The following RBFOX1 variants were observed in gnomAD, a reference collection of about 807,000 sequenced individuals.
The protein encoded by RBFOX1 is RNA binding protein fox-1 homolog 1.
Under a neutral mutation model 57.7 loss-of-function variants are expected in RBFOX1, and 8 were observed. That is an observed-to-expected ratio of 0.14 (90% CI 0.08 to 0.25). The LOEUF is 0.25. RBFOX1 is among the 10% of genes least tolerant of loss of function. RBFOX1 has a pLI of 1.00. For missense variants in RBFOX1, 611 were observed against 548.5 expected (o/e 1.11, Z -1.14); for synonymous variants, 326 against 222.4 (o/e 1.47, Z -4.15).
chr16:6,304,711 T>C (rs2079246659), intron 1 of RBFOX1, among the ~76,000 whole-genome samples: 1 of 151,796 alleles, frequency 6.6e-6, no homozygotes, highest in Non-Finnish European at 1.5e-5. Context: ...GGTGAAACCC[T>C]GTCTCTCTAC....
At chr16:7,265,971 T>G (rs1346621197) in intron 4 of RBFOX1, among the ~76,000 whole-genome samples, 18 of 134,922 alleles carry the variant, frequency 1.3e-4, no homozygotes, top group Non-Finnish European at 1.7e-4. Flanking sequence ...TTTGTTTTTT[T>G]TTTTTTTTTT....
intron 2 of RBFOX1, among the ~76,000 whole-genome samples, chr16:6,562,048 G>A (rs1350810396): frequency 6.6e-6 from 1 of 152,126 alleles, no homozygotes; most frequent in South Asian, 2.1e-4. Context: ...AGTTTTCAGC[G>A]GGATATTACT....
intron 4 of RBFOX1, among the ~76,000 whole-genome samples, chr16:7,247,588 C>G (rs954540358): frequency 1.3e-5 from 2 of 152,108 alleles, no homozygotes; most frequent in Admixed American, 1.3e-4. Flanking sequence ...AGCTAAAAGC[C>G]CCCAGGTCAT....
chr16:5,501,318 C>CAAAAAAAAAAAAAAAAAAAAAAAA (rs1160788118), intron 2 of RBFOX1, among the ~76,000 whole-genome samples: 2 of 64,892 alleles, frequency 3.1e-5, no homozygotes, highest in Non-Finnish European at 6.5e-5. Flanking sequence ...ACTCTGTCTA[C>CAAAAAAAAAAAAAAAAAAAAAAAA]AAAAAAAAAA....
chr16:5,331,583 C>G (rs2064758549), intron 1 of RBFOX1, among the ~76,000 whole-genome samples: 1 of 152,242 alleles, frequency 6.6e-6, no homozygotes. Context: ...AGACATCATA[C>G]TTATTGACGG....
intron 3 of RBFOX1, among the ~76,000 whole-genome samples, chr16:6,787,970 C>T (rs1010601365): frequency 6.7e-6 from 1 of 149,484 alleles, no homozygotes; most frequent in African/African-American, 2.4e-5. Context: ...TGTCTGTAAT[C>T]CCAGCACTTT....
At chr16:6,553,755 G>T (rs1220172450) in intron 2 of RBFOX1, among the ~76,000 whole-genome samples, 1 of 152,184 alleles carries the variant, frequency 6.6e-6, no homozygotes, top group South Asian at 2.1e-4. Flanking sequence ...TGATAGGAGA[G>T]GTGGCAGGTG....
chr16:5,391,870 CTA>C lies in RBFOX1; in HGVS notation c.220-75344_220-75343del, dbSNP rs1412127840. Among the ~76,000 whole-genome samples the C allele has an allele frequency of 2.8e-5, 4 of 142,850 alleles. 1 individual carries two copies. The highest frequency in any genetic ancestry group is 1.1e-4 in the African/African-American group (4 of 37,722). 93.7% of individuals were successfully genotyped at this position (142,850 alleles called of 152,430 possible). ...ATAAAGAAATGAGTGGATAAAGAAA[CTA>C]TGGTGTGTGTGTGTGTATACACACA... On this transcript the variant is annotated intron_variant, in intron 1 of 2. Transcript: ENST00000585867.
intron 1 of RBFOX1, among the ~76,000 whole-genome samples, chr16:6,077,037 C>T (rs1228207839): frequency 6.6e-6 from 1 of 152,128 alleles, no homozygotes; most frequent in Non-Finnish European, 1.5e-5. Context: ...ATGAAGCGCT[C>T]GGCAAATGTA....
rs146316644 is a variant in RBFOX1, at chr16:5,282,858, T to C, written c.219+42753T>C. Among the ~76,000 whole-genome samples the C allele has an allele frequency of 8.1e-4, 123 of 152,238 alleles. 2 individuals are homozygous for C. In the East Asian group the frequency reaches 0.022, roughly 27 times the overall value. On this transcript the variant is annotated intron_variant, in intron 1 of 2. Transcript: ENST00000585867. ...AAAAATTCGATCTGGCTGCAGAAAT[T>C]TGTTTAAGTAATGAGGAGCCAAGTG...
chr16:5,897,016 C>CTTCTTTTTTTTTTTTTTTTTTT (rs2058182237), intron 4 of RBFOX1, among the ~76,000 whole-genome samples: 1 of 56,460 alleles, frequency 1.8e-5, no homozygotes, highest in African/African-American at 7.7e-5. Context: ...TATCCATCCG[C>CTTCTTTTTTTTTTTTTTTTTTT]TTTTTTTTTT....
intron 2 of RBFOX1, among the ~76,000 whole-genome samples, chr16:5,562,235 A>C (rs11639929): frequency 2.6e-5 from 4 of 151,996 alleles, no homozygotes; most frequent in Non-Finnish European, 5.9e-5. Context: ...TCCGTGGCAA[A>C]GTGTGGAAAT....
At chr16:6,765,720 A>G (rs1205522995) in intron 3 of RBFOX1, among the ~76,000 whole-genome samples, 4 of 152,302 alleles carry the variant, frequency 2.6e-5, no homozygotes, top group Admixed American at 6.5e-5. Context: ...AATTGCAAAG[A>G]TACAGAATCA....
chr16:6,427,720 T>C (rs1367533181), intron 2 of RBFOX1, among the ~76,000 whole-genome samples: 1 of 152,184 alleles, frequency 6.6e-6, no homozygotes, highest in Admixed American at 6.5e-5. Flanking sequence ...TGATGTGATA[T>C]GATTTATAAT....
intron 1 of RBFOX1, among the ~76,000 whole-genome samples, chr16:5,440,424 GA>G (rs1191452316): frequency 2.0e-5 from 3 of 152,046 alleles, no homozygotes; most frequent in Admixed American, 6.5e-5. Flanking sequence ...TGTTTTGGTT[GA>G]AAAAAAATTT....
chr16:5,368,577 A>G (rs911074984), intron 1 of RBFOX1, among the ~76,000 whole-genome samples: 17 of 152,140 alleles, frequency 1.1e-4, no homozygotes, highest in South Asian at 2.1e-4. Flanking sequence ...TTTATTTCCA[A>G]TGATTTAACA....
At chr16:5,744,651 A>G (rs1174872415) in intron 3 of RBFOX1, among the ~76,000 whole-genome samples, 2 of 152,054 alleles carry the variant, frequency 1.3e-5, no homozygotes, top group Non-Finnish European at 2.9e-5. Context: ...TTACCATCTC[A>G]CCCGATCTGA....
At chr16:5,413,301 C>G (rs188966943) in intron 1 of RBFOX1, among the ~76,000 whole-genome samples, 4 of 152,172 alleles carry the variant, frequency 2.6e-5, no homozygotes, top group African/African-American at 9.7e-5. Flanking sequence ...AGCACCATGG[C>G]CCTTTTTCTT....
rs1010835796 is a variant in RBFOX1 at position 7,452,090 on chromosome 16, A to G, written c.28-66057A>G. Among the ~76,000 whole-genome samples the G allele has an allele frequency of 3.9e-5, 6 of 152,244 alleles. No homozygotes were observed. In the South Asian group the frequency reaches 1.0e-3, roughly 26 times the overall value. ...ATTGGATACTAAGGAATGAGAAGCA[A>G]TGTAGTTAGAGTAAAATGTCAAAGT... On this transcript the variant is annotated intron_variant, in intron 4 of 15. Coordinates refer to ENST00000550418, the MANE Select transcript of RBFOX1 (RefSeq NM_018723.4).
Sources: gnomAD v4.1 joint callset for allele counts (sites outside exome capture counted in the v4.1 genomes callset) on GRCh38, gnomAD v4.1.1 for gene constraint, MANE v1.5 for transcripts, NCBI Gene and HGNC (gene_info 2026-07-23, HGNC 2026-07-21) for gene names.